The following MYO1F variants were observed in gnomAD, a reference collection of about 807,000 sequenced individuals.
MYO1F encodes unconventional myosin-If.
A neutral mutation model predicts 146.6 loss-of-function variants in MYO1F; 60 were observed. The observed-to-expected ratio is 0.41, with a 90% confidence interval of 0.33 to 0.51. The LOEUF is 0.51. MYO1F is among the 20% of genes least tolerant of loss of function. MYO1F has a pLI of 0.25. For synonymous variants in MYO1F, 602 were observed against 602.1 expected (o/e 1.00, Z 0.00); for missense variants, 1,274 against 1,534.3 (o/e 0.83, Z 2.83).
chr19:8,526,615 A>T lies in MYO1F; in HGVS notation c.2622-14T>A. ...CGAAACTGTAGTCTATGGGGAGAGA[A>T]GAAAGCTTGGGGGCGCTGGCTGAGG... On this transcript the variant is annotated splice_polypyrimidine_tract_variant and intron_variant, in intron 23 of 27. Transcript: ENST00000644032. 1 of 1,586,846 alleles carries T rather than the reference A, an allele frequency of 6.3e-7. No homozygotes were observed. The highest frequency in any genetic ancestry group is 8.6e-7 in the Non-Finnish European group (1 of 1,168,616).
chr19:8,531,384 C>G (rs1029436177), intron 19 of MYO1F, among the ~76,000 whole-genome samples: 1 of 152,096 alleles, frequency 6.6e-6, no homozygotes, highest in Non-Finnish European at 1.5e-5. Flanking sequence ...GGTCTCGCTC[C>G]GTCGCCCAGA....
intron 22 of MYO1F, 129 bp from the exon 23 acceptor site, chr19:8,527,064 TAGG>T: frequency 7.8e-7 from 1 of 1,288,672 alleles, no homozygotes; most frequent in Non-Finnish European, 1.1e-6. Flanking sequence ...GGTGACCAGG[TAGG>T]AGAAAAAGGG....
At chr19:8,553,890 ACACACTCT>A (rs1341111238) in intron 4 of MYO1F, among the ~76,000 whole-genome samples, 1 of 57,824 alleles carries the variant, frequency 1.7e-5, no homozygotes. Flanking sequence ...ACACACACAC[ACACACTCT>A]CTCTCTCTCT....
At chr19:8,533,052 C>G (rs1458392991) in intron 19 of MYO1F, among the ~76,000 whole-genome samples, 1 of 151,630 alleles carries the variant, frequency 6.6e-6, no homozygotes, top group Non-Finnish European at 1.5e-5. Context: ...CTCTGCTGAC[C>G]AAAATAGTTT....
Position 8,577,048 on chromosome 19 carries a change from A to G in MYO1F, c.3+259T>C. 1 of 604,802 alleles carries G rather than the reference A, an allele frequency of 1.7e-6. No individual in the cohort carries two copies. The allele number at this position is 604,802 out of a possible 1,614,324, so 37.5% of individuals were successfully genotyped here. On this transcript the variant is annotated intron_variant, in intron 1 of 27. Transcript: ENST00000644032. The surrounding 1 kb of genome is among the most constrained non-coding windows in gnomAD (Gnocchi z 4.3). ...CAGACTCTGTGATTCTCCCTGGGCC[A>G]CCTTCTGTCTTCCAGGTCCTGCCCT...
At chr19:8,525,704 C>T in intron 24 of MYO1F, 142 bp from the exon 25 acceptor site, 1 of 758,926 alleles carries the variant, frequency 1.3e-6, no homozygotes, top group Non-Finnish European at 2.3e-6. Flanking sequence ...TACAGTTACA[C>T]TGGCTCCGCC....
intron 1 of MYO1F, among the ~76,000 whole-genome samples, chr19:8,573,958 A>G (rs2042156274): frequency 6.6e-6 from 1 of 152,082 alleles, no homozygotes; most frequent in Admixed American, 6.6e-5. Flanking sequence ...CCTGTTCAAA[A>G]CCCAACATTG....
At chr19:8,565,257 G>A (rs2041982052) in intron 1 of MYO1F, among the ~76,000 whole-genome samples, 1 of 152,016 alleles carries the variant, frequency 6.6e-6, no homozygotes, top group Admixed American at 6.6e-5. Flanking sequence ...AAAAATTGTG[G>A]GCAGGTTGGG....
At chr19:8,543,966 G>GTGC (rs1973194804) in intron 14 of MYO1F, 6 of 344,034 alleles carry the variant, frequency 1.7e-5, no homozygotes, top group South Asian at 1.2e-4. Flanking sequence ...GGTGGTGGTG[G>GTGC]TGGTGCTGGT....
intron 14 of MYO1F, among the ~76,000 whole-genome samples, chr19:8,543,810 CTGGTGGTGGTGGTGGTGGTGGTGGTGG>C (rs1261009652): frequency 9.9e-5 from 1 of 10,118 alleles, no homozygotes; most frequent in Admixed American, 9.7e-4. Flanking sequence ...GCTGGTGGTG[CTGGTGGTGGTGGTGGTGGTGGTGGTGG>C]TGGTGGTGGT....
At chr19:8,553,894 A>ACACACACACTCTCTCTCTCTCT in intron 4 of MYO1F, among the ~76,000 whole-genome samples, 9 of 102,602 alleles carry the variant, frequency 8.8e-5, no homozygotes, top group African/African-American at 3.8e-4. Context: ...ACACACACAC[A>ACACACACACTCTCTCTCTCTCT]CTCTCTCTCT....
intron 1 of MYO1F, among the ~76,000 whole-genome samples, chr19:8,570,516 G>A (rs928068510): frequency 6.6e-6 from 1 of 150,630 alleles, no homozygotes; most frequent in East Asian, 2.0e-4. Flanking sequence ...ACAGGTGCAC[G>A]CCACCACACC....
At chr19:8,526,642 C>T (rs780397480) in intron 23 of MYO1F, 41 bp from the exon 24 acceptor site, 421 of 1,563,346 alleles carry the variant, frequency 2.7e-4, no homozygotes, top group Non-Finnish European at 3.4e-4. Flanking sequence ...TGGCTGAGGT[C>T]CCCCGCCCCA....
In MYO1F at chr19:8,555,724, G is replaced by T; in HGVS notation, c.76C>A (p.Pro26Thr). Reference sequence around the variant, plus strand: ...GCAATGGCGTCTTCGGTGATCTGGGGAAGAAGCACCATGTCATCCACGCCG... The same window carrying T: ...GCAATGGCGTCTTCGGTGATCTGGGTAAGAAGCACCATGTCATCCACGCCG... ...QSGVDDMVLL[P>T]QITEDAIAAN... The change falls in exon 2 of 28, where the codon CCC becomes ACC. Residue 26 changes from proline (P) to threonine (T), a missense_variant. By Grantham distance (38) the Pro-to-Thr change is conservative (BLOSUM62 -1). Transcript: ENST00000644032. 6.2e-7 allele frequency: 1 copy of T among 1,614,142 alleles called. No individual in the cohort carries two copies. The highest frequency in any genetic ancestry group is 8.5e-7 in the Non-Finnish European group (1 of 1,180,032).
At chr19:8,523,995 T>C (rs1226459343) in intron 25 of MYO1F, among the ~76,000 whole-genome samples, 1 of 151,476 alleles carries the variant, frequency 6.6e-6, no homozygotes, top group African/African-American at 2.4e-5. Context: ...GGCGTGTGCC[T>C]GTAGTCCCAG....
At chr19:8,566,475 G>A (rs781517643) in intron 1 of MYO1F, among the ~76,000 whole-genome samples, 7 of 144,146 alleles carry the variant, frequency 4.9e-5, no homozygotes, top group Non-Finnish European at 1.1e-4. Flanking sequence ...CCTGGTCTAT[G>A]CTTTTTAAAA....
In MYO1F at chr19:8,521,243, C is replaced by A; in HGVS notation, c.*285G>T. ...CAGGACTCAAGACCCATTTCTTAATCACATGGCAGTTGGGAGGTAGATTCT... is the reference window on the plus strand; with the variant it reads ...CAGGACTCAAGACCCATTTCTTAATAACATGGCAGTTGGGAGGTAGATTCT... On this transcript the variant is annotated 3_prime_UTR_variant, in exon 28 of 28. Coordinates refer to ENST00000644032, the MANE Select transcript of MYO1F (RefSeq NM_012335.4). 3 of 487,088 alleles carry A rather than the reference C, an allele frequency of 6.2e-6. No homozygotes were observed. The Admixed American group carries it at 9.9e-5, about 16-fold the overall frequency. The allele number at this position is 487,088 out of a possible 1,614,324, so 30.2% of individuals were successfully genotyped here. A position where few individuals can be genotyped will look rare whatever the true frequency, so the allele number is the denominator to read the frequency against.
intron 19 of MYO1F, among the ~76,000 whole-genome samples, chr19:8,531,236 A>G (rs1004278651): frequency 7.9e-5 from 12 of 151,548 alleles, no homozygotes; most frequent in African/African-American, 2.7e-4. Context: ...AATACCAGCT[A>G]CTCAGGAGGC....
intron 1 of MYO1F, among the ~76,000 whole-genome samples, chr19:8,564,500 C>T (rs2041964885): frequency 6.6e-6 from 1 of 152,012 alleles, no homozygotes; most frequent in Admixed American, 6.6e-5. Context: ...TTGACACCCA[C>T]CACAGACTGG....
Sources: allele counts gnomAD v4.1 joint callset (sites outside exome capture counted in the v4.1 genomes callset), GRCh38; gene constraint gnomAD v4.1.1; non-coding constraint Gnocchi (gnomAD v3.1); transcripts MANE v1.5; gene names NCBI Gene and HGNC (gene_info 2026-07-23, HGNC 2026-07-21).